The following CCSER1 variants were observed in gnomAD, a reference collection of about 807,000 sequenced individuals.
CCSER1 encodes the protein serine-rich coiled-coil domain-containing protein 1.
CCSER1 carries 41 observed loss-of-function variants against 82.0 expected under a neutral mutation model. The observed-to-expected ratio is 0.50, with a 90% confidence interval of 0.39 to 0.65. The LOEUF (loss-of-function observed/expected upper bound fraction) is 0.65. Among genes scored for constraint, CCSER1 ranks in the 30% least tolerant of loss-of-function variants. The pLI is 0.00. For missense variants in CCSER1, 1,119 were observed against 1,064.2 expected, an observed-to-expected ratio of 1.05 and a Z score of -0.72; for synonymous variants, 414 against 383.9, an observed-to-expected ratio of 1.08 and a Z score of -0.92.
intron 6 of CCSER1, chr4:90,642,043 C>A: frequency 3.6e-6 from 1 of 275,204 alleles, no homozygotes; most frequent in Non-Finnish European, 8.3e-6. Context: ...CAAGCTGCAA[C>A]ATAACAGGTA....
At chr4:90,394,070 A>G (rs968561992) in intron 3 of CCSER1, among the ~76,000 whole-genome samples, 1 of 148,838 alleles carries the variant, frequency 6.7e-6, no homozygotes, top group Middle Eastern at 3.7e-3. Context: ...GTGAGCCACT[A>G]TGCCCAGCTG....
chr4:90,138,167 A>G (rs886709333), intron 1 of CCSER1, among the ~76,000 whole-genome samples: 10 of 152,304 alleles, frequency 6.6e-5, no homozygotes, highest in African/African-American at 2.4e-4. Flanking sequence ...TAAATGCACT[A>G]CTACTTAAGA....
intron 8 of CCSER1, among the ~76,000 whole-genome samples, chr4:90,882,908 A>G (rs1456104911): frequency 6.6e-6 from 1 of 152,092 alleles, no homozygotes; most frequent in Non-Finnish European, 1.5e-5. Flanking sequence ...CAAGCGCTTC[A>G]TGTTTAGAAC....
chr4:90,672,739 A>G (rs1314671021), intron 6 of CCSER1, among the ~76,000 whole-genome samples: 1 of 151,980 alleles, frequency 6.6e-6, no homozygotes, highest in Admixed American at 6.6e-5. Context: ...GGTGAGAGAA[A>G]TTGTAACTCT....
intron 1 of CCSER1, among the ~76,000 whole-genome samples, chr4:90,307,798 T>C (rs995381859): frequency 1.3e-5 from 2 of 152,164 alleles, no homozygotes; most frequent in African/African-American, 4.8e-5. Flanking sequence ...AAAATGAAAA[T>C]ACTTCTAGTG....
chr4:91,006,903 A>G lies in CCSER1; in HGVS notation c.2173-79047A>G, dbSNP rs149323313. 1.4e-3 allele frequency among the ~76,000 whole-genome samples: 209 copies of G among 152,128 alleles called. 1 individual carries two copies. In the East Asian group the frequency reaches 0.036, roughly 26 times the overall value. ...ACTTTTTCCTGTTCTGTATTATGTC[A>G]CCTGTGGATTTATAATATATGGTTT... On this transcript the variant is annotated intron_variant, in intron 9 of 10. Coordinates refer to ENST00000509176, the MANE Select transcript of CCSER1 (RefSeq NM_001145065.2).
At chr4:90,262,410 T>C (rs557808119) in intron 1 of CCSER1, among the ~76,000 whole-genome samples, 1 of 152,318 alleles carries the variant, frequency 6.6e-6, no homozygotes, top group Admixed American at 6.5e-5. Context: ...AGTTATGTAC[T>C]TGATGTGTGG....
intron 10 of CCSER1, 128 bp from the exon 11 acceptor site, chr4:91,598,444 G>A (rs1302753784): frequency 3.1e-6 from 3 of 960,908 alleles, no homozygotes; most frequent in African/African-American, 1.7e-5. Flanking sequence ...TAATTGTATT[G>A]ATAATTTTAT....
chr4:91,595,606 T>C (rs2110353133), intron 10 of CCSER1, among the ~76,000 whole-genome samples: 1 of 152,204 alleles, frequency 6.6e-6, no homozygotes, highest in Admixed American at 6.6e-5. Context: ...TAAATATTTG[T>C]AATAATCCTT....
intron 9 of CCSER1, among the ~76,000 whole-genome samples, chr4:91,026,604 T>C (rs1740510870): frequency 6.6e-6 from 1 of 152,094 alleles, no homozygotes; most frequent in African/African-American, 2.4e-5. Context: ...CCATGAGGAC[T>C]TTTTTCTTGG....
chr4:91,331,187 T>G (rs1035396075), intron 10 of CCSER1, among the ~76,000 whole-genome samples: 2 of 152,162 alleles, frequency 1.3e-5, no homozygotes, highest in African/African-American at 2.4e-5. Context: ...TTATTTTATA[T>G]TTAGGACAAT....
chr4:91,143,425 G>A (rs1729228844), intron 10 of CCSER1, among the ~76,000 whole-genome samples: 1 of 152,050 alleles, frequency 6.6e-6, no homozygotes, highest in African/African-American at 2.4e-5. Context: ...TGTCATCAGT[G>A]AAGAGAGATA....
chr4:90,377,836 C>G (rs1015543952), intron 3 of CCSER1, among the ~76,000 whole-genome samples: 3 of 151,962 alleles, frequency 2.0e-5, no homozygotes, highest in Admixed American at 2.0e-4. Context: ...GATAAATTAA[C>G]TGTGGGTGGA....
At chr4:91,564,448 T>G (rs1490106452) in intron 10 of CCSER1, among the ~76,000 whole-genome samples, 1 of 152,054 alleles carries the variant, frequency 6.6e-6, no homozygotes, top group Non-Finnish European at 1.5e-5. Flanking sequence ...GTTCTGCTGT[T>G]AGCTCTTTGA....
intron 10 of CCSER1, among the ~76,000 whole-genome samples, chr4:91,590,123 G>A (rs530388108): frequency 2.0e-5 from 3 of 152,100 alleles, no homozygotes; most frequent in African/African-American, 7.2e-5. Context: ...GGCCTTATTA[G>A]CATTCACCTT....
intron 1 of CCSER1, among the ~76,000 whole-genome samples, chr4:90,207,125 C>T (rs182695044): frequency 1.2e-3 from 186 of 152,114 alleles, no homozygotes; most frequent in South Asian, 2.7e-3. Flanking sequence ...ACCCATGAAT[C>T]TTGACTCTTT....
chr4:90,336,382 G>C (rs10856877), intron 3 of CCSER1, among the ~76,000 whole-genome samples: 47,392 of 152,078 alleles, frequency 0.31, 7,798 homozygotes, highest in African/African-American at 0.4. Context: ...CATGTGTCAT[G>C]TAAGAAAGTG....
intron 9 of CCSER1, among the ~76,000 whole-genome samples, chr4:91,041,687 A>G (rs1172303749): frequency 6.6e-6 from 1 of 152,208 alleles, no homozygotes; most frequent in Non-Finnish European, 1.5e-5. Context: ...CAAATGAAAC[A>G]GAACAGATTT....
intron 10 of CCSER1, among the ~76,000 whole-genome samples, chr4:91,164,127 G>C (rs549567479): frequency 2.0e-5 from 3 of 152,084 alleles, no homozygotes; most frequent in Non-Finnish European, 4.4e-5. Context: ...CAGGCCTGGT[G>C]GTGACAAAAT....
Sources: allele counts gnomAD v4.1 joint callset (sites outside exome capture counted in the v4.1 genomes callset), GRCh38; gene constraint gnomAD v4.1.1; transcripts MANE v1.5; gene names NCBI Gene and HGNC (gene_info 2026-07-23, HGNC 2026-07-21).